Variants in KCNT1 observed in about 807,000 individuals in gnomAD.
KCNT1 encodes potassium sodium-activated channel subfamily T member 1, also known as potassium channel subfamily T member 1.
KCNT1 carries 78 observed loss-of-function variants against 147.8 expected under a neutral mutation model. That is an observed-to-expected ratio of 0.53 (90% CI 0.44 to 0.64). The LOEUF is 0.64. KCNT1 is among the 30% of genes least tolerant of loss of function. The pLI is 0.00. For synonymous variants in KCNT1, 867 were observed against 748.8 expected (o/e 1.16, Z -2.58); for missense variants, 1,419 against 1,750.3 (o/e 0.81, Z 3.38).
chr9:135,777,478 G>T lies in KCNT1; in HGVS notation c.2490G>T (p.Glu830Asp). Residue 830 changes from glutamate (E) to aspartate (D), a missense_variant, in exon 21 of 31, where the codon GAG (glutamate) becomes GAT (aspartate). Physicochemically the swap from Glu to Asp is conservative, Grantham distance 45. This residue lies in a region of KCNT1 where 247 missense variants were observed against 397.1 expected (regional missense o/e 0.62). Coordinates refer to ENST00000371757, the MANE Select transcript of KCNT1 (RefSeq NM_020822.3). Reference sequence around the variant, plus strand: ...GGGCCTACTACAGATCCCGCAAGGAGCTGAACCCCATCGTGCTGCTGCTGG... The same window carrying T: ...GGGCCTACTACAGATCCCGCAAGGATCTGAACCCCATCGTGCTGCTGCTGG... ...PLRAYYRSRKELNPIVLLLDN... is the reference protein window; with the variant it reads ...PLRAYYRSRKDLNPIVLLLDN... 6.2e-7 allele frequency: 1 copy of T among 1,613,998 alleles called. No individual in the cohort carries two copies. The highest frequency in any genetic ancestry group is 8.5e-7 in the Non-Finnish European group (1 of 1,179,952).
intron 11 of KCNT1, 115 bp from the exon 12 acceptor site, chr9:135,764,916 G>GCCGGCCCTGC: frequency 8.8e-7 from 1 of 1,131,702 alleles, no homozygotes; most frequent in Middle Eastern, 2.2e-4. Context: ...TCACCCCCCG[G>GCCGGCCCTGC]CCGGCCCTGC....
At position 135,702,406 on chromosome 9, in the gene KCNT1, C is replaced by T. The variant is rs373341130; in HGVS notation, c.110+38C>T. The T allele has an allele frequency of 1.5e-3, 2,175 of 1,462,026 alleles. 36 individuals are homozygous for T. The African/African-American group carries it at 0.033, about 22-fold the overall frequency. 90.6% of individuals were successfully genotyped at this position (1,462,026 alleles called of 1,614,324 possible). ...GCGCCCTCCCCACGCGGGGAGGCCCCGGTCTAACCTAAGACCCCCAAGTTC... is the reference window on the plus strand; with the variant it reads ...GCGCCCTCCCCACGCGGGGAGGCCCTGGTCTAACCTAAGACCCCCAAGTTC... On this transcript the variant is annotated intron_variant, in intron 1 of 30. Coordinates refer to ENST00000371757, the MANE Select transcript of KCNT1 (RefSeq NM_020822.3).
chr9:135,756,973 ACCCT>A, intron 7 of KCNT1, 41 bp downstream of exon 7: 7 of 653,196 alleles, frequency 1.1e-5, no homozygotes, highest in East Asian at 5.2e-5. Context: ...GGGGGTCCCC[ACCCT>A]CCCCACCCTC....
chr9:135,721,297 G>C (rs1835914248), intron 2 of KCNT1, among the ~76,000 whole-genome samples: 2 of 152,188 alleles, frequency 1.3e-5, no homozygotes, highest in African/African-American at 4.8e-5. Context: ...GTCCCTGGGG[G>C]TGGTGGGGTA....
chr9:135,784,908 G>T lies in KCNT1; in HGVS notation c.3156+19G>T. Reference sequence around the variant, plus strand: ...CTCGGAGGTTCTGGGGCAGCCTGGGGGCTGGGACTGTGGCAGCCCCTGTCC... The same window carrying T: ...CTCGGAGGTTCTGGGGCAGCCTGGGTGCTGGGACTGTGGCAGCCCCTGTCC... On this transcript the variant is annotated intron_variant, in intron 27 of 30. Coordinates refer to ENST00000371757, the MANE Select transcript of KCNT1 (RefSeq NM_020822.3). 6.2e-7 allele frequency: 1 copy of T among 1,610,208 alleles called. No homozygotes were observed.
chr9:135,769,811 C>A, intron 15 of KCNT1, 136 bp from the exon 16 acceptor site: 1 of 651,602 alleles, frequency 1.5e-6, no homozygotes, highest in Non-Finnish European at 2.7e-6. Context: ...GGCAGAGATG[C>A]TGAAGCCGGA....
chr9:135,785,435 C>A, intron 28 of KCNT1, 105 bp downstream of exon 28: 1 of 1,445,402 alleles, frequency 6.9e-7, no homozygotes, highest in Non-Finnish European at 9.4e-7. Flanking sequence ...ACCCACAGGG[C>A]CCTGGGAAAG....
rs56694580 is a variant in KCNT1, at chr9:135,739,840, C to G, written c.255-10258C>G. Among the ~76,000 whole-genome samples the G allele has an allele frequency of 4.5e-3, 683 of 152,350 alleles. 4 individuals carry two copies. Among genetic ancestry groups the G allele is most frequent in the Middle Eastern group, 0.031 (9 of 294 alleles). ...TTTATCCTTGACCCAGGAGCGTGCACAGGGAGTGCCCAGCCGCAGGGGTGG... is the reference window on the plus strand; with the variant it reads ...TTTATCCTTGACCCAGGAGCGTGCAGAGGGAGTGCCCAGCCGCAGGGGTGG... On this transcript the variant is annotated intron_variant, in intron 2 of 30. Coordinates refer to ENST00000371757, the MANE Select transcript of KCNT1 (RefSeq NM_020822.3).
At chr9:135,786,165 C>CA in intron 28 of KCNT1, 32 bp from the exon 29 acceptor site, 3 of 1,557,868 alleles carry the variant, frequency 1.9e-6, no homozygotes, top group Non-Finnish European at 2.6e-6. Context: ...AGCCTCACCC[C>CA]TCCCCGCCCT....
chr9:135,712,172 G>A (rs1254781030), intron 1 of KCNT1, among the ~76,000 whole-genome samples: 1 of 152,136 alleles, frequency 6.6e-6, no homozygotes, highest in Non-Finnish European at 1.5e-5. Flanking sequence ...TCTAGGGGGT[G>A]TGCTGTGTCC....
intron 18 of KCNT1, 95 bp downstream of exon 18, chr9:135,771,190 C>A: frequency 3.5e-6 from 4 of 1,144,516 alleles, no homozygotes; most frequent in Non-Finnish European, 5.0e-6. Flanking sequence ...GATGGGAGAC[C>A]AGGCAGGACA....
At chr9:135,765,238 C>T (rs1832181404) in intron 12 of KCNT1, 43 bp downstream of exon 12, 2 of 1,568,054 alleles carry the variant, frequency 1.3e-6, no homozygotes, top group East Asian at 2.3e-5. Context: ...TCCCTCCCGG[C>T]CCCTAGAGAC....
chr9:135,712,142 C>T (rs552327462), intron 1 of KCNT1, among the ~76,000 whole-genome samples: 3 of 152,134 alleles, frequency 2.0e-5, no homozygotes, highest in Non-Finnish European at 4.4e-5. Context: ...GCTCTGAGCC[C>T]CTGGGCTGCC....
In KCNT1 at chr9:135,792,712, G is replaced by A. The variant is rs1484114345; in HGVS notation, c.*551G>A. The A allele has an allele frequency of 6.6e-6, 1 of 152,290 alleles. No homozygotes were observed. Among genetic ancestry groups the A allele is most frequent in the Non-Finnish European group, 1.5e-5 (1 of 68,180 alleles). 9.4% of individuals were successfully genotyped at this position (152,290 alleles called of 1,614,324 possible). On this transcript the variant is annotated 3_prime_UTR_variant, in exon 31 of 31. Transcript: ENST00000371757. ...CTGTTTGCTGTCCCAAGCCCCTTCTGGAAGTTAGAAGCAGCAAAGGGCCCG... is the reference window on the plus strand; with the variant it reads ...CTGTTTGCTGTCCCAAGCCCCTTCTAGAAGTTAGAAGCAGCAAAGGGCCCG...
rs1165019532 is a variant in KCNT1 at position 135,730,153 on chromosome 9, T to C, written c.254+15433T>C. Among the ~76,000 whole-genome samples the C allele has an allele frequency of 6.6e-6, 1 of 152,224 alleles. No homozygotes were observed. On this transcript the variant is annotated intron_variant, in intron 2 of 30. Coordinates refer to ENST00000371757, the MANE Select transcript of KCNT1 (RefSeq NM_020822.3). This position sits in a 1 kb window ranked among gnomAD's most constrained non-coding sequence, Gnocchi z 4.7. ...GGAAACACCCTCGACCCTTTCTCTT[T>C]AATGACAGATTTTCACAGTAAGGCA...
At chr9:135,775,673 G>T (rs1412164285) in intron 20 of KCNT1, among the ~76,000 whole-genome samples, 2 of 152,206 alleles carry the variant, frequency 1.3e-5, no homozygotes, top group Non-Finnish European at 2.9e-5. Flanking sequence ...CTTGAGAACA[G>T]GTTGGAGCCA....
chr9:135,710,706 C>G (rs1196964089), intron 1 of KCNT1, among the ~76,000 whole-genome samples: 1 of 152,228 alleles, frequency 6.6e-6, no homozygotes, highest in African/African-American at 2.4e-5. Flanking sequence ...CGAGGGCCCT[C>G]TCTGTTCCTT....
intron 17 of KCNT1, 113 bp from the exon 18 acceptor site, chr9:135,770,744 G>A (rs1342246045): frequency 3.7e-6 from 4 of 1,080,422 alleles, no homozygotes; most frequent in Non-Finnish European, 5.4e-6. Flanking sequence ...TGGCCCCCAG[G>A]AGGAAGACGC....
chr9:135,760,013 G>A (rs141306796), intron 11 of KCNT1, among the ~76,000 whole-genome samples, 154 bp downstream of exon 11: 40 of 152,272 alleles, frequency 2.6e-4, no homozygotes, highest in African/African-American at 7.7e-4. Context: ...TCCGTTGCAC[G>A]CCCCCACTGA....
Sources: allele counts gnomAD v4.1 joint callset (sites outside exome capture counted in the v4.1 genomes callset), GRCh38; gene constraint gnomAD v4.1.1; regional missense constraint gnomAD v4.1.1; non-coding constraint Gnocchi (gnomAD v3.1); transcripts MANE v1.5; gene names NCBI Gene and HGNC (gene_info 2026-07-23, HGNC 2026-07-21).